RASA2: variants seen among roughly 807,000 people sequenced by gnomAD.
RASA2 encodes ras GTPase-activating protein 2.
RASA2 carries 155 observed loss-of-function variants against 118.2 expected under a neutral mutation model. The observed-to-expected ratio is 1.31, with a 90% CI of 1.15 to 1.50. The LOEUF (loss-of-function observed/expected upper bound fraction) is 1.50. RASA2 is among the 40% of genes most tolerant of loss of function. The pLI is 0.00. For synonymous variants in RASA2, 353 were observed against 349.1 expected (o/e 1.01, Z -0.12); for missense variants, 1,016 against 1,009.6 (o/e 1.01, Z -0.09).
chr3:141,605,013 C>T (rs2083525146), intron 19 of RASA2, among the ~76,000 whole-genome samples: 1 of 151,952 alleles, frequency 6.6e-6, no homozygotes, highest in African/African-American at 2.4e-5. Flanking sequence ...AAACATACTC[C>T]ATTGTTTACT....
At chr3:141,607,822 A>G in intron 20 of RASA2, 62 bp downstream of exon 20, 1 of 1,440,732 alleles carries the variant, frequency 6.9e-7, no homozygotes, top group South Asian at 1.5e-5. Flanking sequence ...AAGTATTTGT[A>G]TTTCGAGGTA....
intron 9 of RASA2, among the ~76,000 whole-genome samples, chr3:141,561,061 A>G (rs753134881): frequency 1.2e-4 from 19 of 152,094 alleles, no homozygotes; most frequent in Admixed American, 5.9e-4. Flanking sequence ...TGTGTATTAT[A>G]GTTTGTAAAA....
intron 11 of RASA2, among the ~76,000 whole-genome samples, chr3:141,572,260 T>C (rs1413949849): frequency 6.6e-6 from 1 of 151,798 alleles, no homozygotes; most frequent in Non-Finnish European, 1.5e-5. Context: ...CCCAGCTAAT[T>C]TTTGTATTTT....
chr3:141,566,290 C>G (rs2082819374), intron 9 of RASA2, among the ~76,000 whole-genome samples: 2 of 152,140 alleles, frequency 1.3e-5, no homozygotes, highest in African/African-American at 4.8e-5. Context: ...TAGAACTACA[C>G]AGCATTATCA....
chr3:141,583,373 C>T (rs1031173025), intron 17 of RASA2, among the ~76,000 whole-genome samples: 5 of 151,922 alleles, frequency 3.3e-5, no homozygotes, highest in Non-Finnish European at 7.4e-5. Flanking sequence ...TGCAGTGAGC[C>T]GAGATCATGC....
intron 5 of RASA2, among the ~76,000 whole-genome samples, chr3:141,550,070 T>C (rs2082550363): frequency 6.6e-6 from 1 of 152,152 alleles, no homozygotes; most frequent in Non-Finnish European, 1.5e-5. Context: ...AGTTAATGAA[T>C]GTAGGAGGAA....
intron 9 of RASA2, among the ~76,000 whole-genome samples, chr3:141,567,273 C>A (rs867717059): frequency 6.6e-6 from 1 of 151,566 alleles, no homozygotes; most frequent in Non-Finnish European, 1.5e-5. Context: ...AAAATTAGCC[C>A]GGTGTGGTGG....
At chr3:141,539,573 C>T (rs2082376937) in intron 4 of RASA2, among the ~76,000 whole-genome samples, 1 of 152,150 alleles carries the variant, frequency 6.6e-6, no homozygotes, top group Non-Finnish European at 1.5e-5. Flanking sequence ...AACTTTCCTA[C>T]CTCTAATGAA....
chr3:141,519,685 A>G (rs1056376641), intron 3 of RASA2, among the ~76,000 whole-genome samples: 3 of 152,082 alleles, frequency 2.0e-5, no homozygotes, highest in African/African-American at 7.2e-5. Flanking sequence ...GCCTTCTTAT[A>G]TGCAGACTCT....
chr3:141,500,009 A>G (rs1411228128), intron 1 of RASA2, among the ~76,000 whole-genome samples: 2 of 152,172 alleles, frequency 1.3e-5, no homozygotes, highest in Non-Finnish European at 2.9e-5. Context: ...TTATCTCACC[A>G]TGTTAATTTA....
At chr3:141,579,518 C>T (rs2083068334) in intron 15 of RASA2, 1 of 152,184 alleles carries the variant, frequency 6.6e-6, no homozygotes, top group Non-Finnish European at 1.5e-5. Context: ...TAGGTGACTT[C>T]ACATTTCCTA....
chr3:141,527,024 A>C (rs1238685339), intron 3 of RASA2, among the ~76,000 whole-genome samples: 1 of 152,164 alleles, frequency 6.6e-6, no homozygotes, highest in East Asian at 1.9e-4. Context: ...AGGACAGGTA[A>C]ATTTCTACTC....
chr3:141,519,178 A>G (rs756410193), intron 3 of RASA2, among the ~76,000 whole-genome samples: 1 of 152,178 alleles, frequency 6.6e-6, no homozygotes, highest in Non-Finnish European at 1.5e-5. Context: ...ACAGAGTATC[A>G]TACTAATATG....
chr3:141,564,113 TGTA>T (rs1325064552), intron 9 of RASA2, among the ~76,000 whole-genome samples: 1 of 151,924 alleles, frequency 6.6e-6, no homozygotes, highest in Non-Finnish European at 1.5e-5. Context: ...CCAAAAACAA[TGTA>T]TGCATAAAAA....
chr3:141,535,128 T>C (rs2082309425), intron 4 of RASA2, among the ~76,000 whole-genome samples: 1 of 152,194 alleles, frequency 6.6e-6, no homozygotes, highest in Non-Finnish European at 1.5e-5. Flanking sequence ...CGACATCATA[T>C]GCTCACCTCA....
intron 9 of RASA2, among the ~76,000 whole-genome samples, chr3:141,565,519 T>A (rs948569381): frequency 1.3e-5 from 2 of 152,064 alleles, no homozygotes; most frequent in Non-Finnish European, 2.9e-5. Flanking sequence ...AATCATCGGG[T>A]GGTTTCAAAT....
At chr3:141,504,841 C>A (rs928176079) in intron 1 of RASA2, among the ~76,000 whole-genome samples, 1 of 152,190 alleles carries the variant, frequency 6.6e-6, no homozygotes, top group African/African-American at 2.4e-5. Context: ...TCCCTCTCCC[C>A]ACTTTGCTTA....
At position 141,512,745 on chromosome 3, in the gene RASA2, G is replaced by A. The variant is rs537637640; in HGVS notation, c.251+465G>A. On this transcript the variant is annotated intron_variant, in intron 2 of 23. Transcript: ENST00000286364. ...CATAATTCTAGTGCAGAGTTGTGCT[G>A]AGAATCTTGTTCAGAGACAAAAGTC... Among the ~76,000 whole-genome samples the A allele has an allele frequency of 9.4e-4, 143 of 152,246 alleles. 1 individual carries two copies. The highest frequency in any genetic ancestry group is 3.4e-3 in the African/African-American group (140 of 41,554).
At chr3:141,564,533 G>C (rs923959275) in intron 9 of RASA2, among the ~76,000 whole-genome samples, 1 of 152,130 alleles carries the variant, frequency 6.6e-6, no homozygotes, top group Admixed American at 6.5e-5. Flanking sequence ...CACAATTGAG[G>C]GGGTAGGGGA....
Sources: allele counts gnomAD v4.1 joint callset (sites outside exome capture counted in the v4.1 genomes callset), GRCh38; gene constraint gnomAD v4.1.1; transcripts MANE v1.5; gene names NCBI Gene and HGNC (gene_info 2026-07-23, HGNC 2026-07-21).